Variants in PHACTR3 observed in about 807,000 individuals in gnomAD.
The protein encoded by PHACTR3 is protein phosphatase 1, regulatory subunit 123.
A neutral mutation model predicts 66.8 loss-of-function variants in PHACTR3; 16 were observed. That is an observed-to-expected ratio of 0.24 (90% CI 0.16 to 0.36). The LOEUF (loss-of-function observed/expected upper bound fraction) is 0.36. Among genes scored for constraint, PHACTR3 ranks in the 10% least tolerant of loss-of-function variants. The pLI is 1.00. For missense variants in PHACTR3, 647 were observed against 719.9 expected, an observed-to-expected ratio of 0.90 and a Z score of 1.16; for synonymous variants, 323 against 292.1, an observed-to-expected ratio of 1.11 and a Z score of -1.08.
chr20:59,692,310 A>C (rs2037138895), intron 1 of PHACTR3, among the ~76,000 whole-genome samples: 1 of 152,212 alleles, frequency 6.6e-6, no homozygotes, highest in Non-Finnish European at 1.5e-5. Flanking sequence ...GACAACCTTG[A>C]AGGTCACCCG....
intron 1 of PHACTR3, among the ~76,000 whole-genome samples, chr20:59,596,447 A>G (rs1358507851): frequency 1.3e-5 from 2 of 152,188 alleles, no homozygotes; most frequent in African/African-American, 2.4e-5. Context: ...TGGCCCTGGT[A>G]CTGAACCTTC....
At chr20:59,642,624 C>T (rs1423592311) in intron 1 of PHACTR3, among the ~76,000 whole-genome samples, 8 of 152,304 alleles carry the variant, frequency 5.3e-5, no homozygotes, top group African/African-American at 1.9e-4. Context: ...TCCCATTCTG[C>T]TTTCATTGGA....
At chr20:59,794,699 C>T (rs1949371530) in intron 7 of PHACTR3, among the ~76,000 whole-genome samples, 1 of 152,134 alleles carries the variant, frequency 6.6e-6, no homozygotes, top group African/African-American at 2.4e-5. Flanking sequence ...TTTTTTAGTA[C>T]TGACTCAATC....
chr20:59,746,547 C>T (rs533732837), intron 2 of PHACTR3, among the ~76,000 whole-genome samples: 193 of 152,396 alleles, frequency 1.3e-3, no homozygotes, highest in African/African-American at 4.3e-3. Flanking sequence ...TTCTGCCCTC[C>T]GTGACTCCCC....
chr20:59,676,914 C>T (rs1321341679), intron 1 of PHACTR3: 1 of 175,766 alleles, frequency 5.7e-6, no homozygotes, highest in Non-Finnish European at 1.1e-5. Context: ...AATCGGATGA[C>T]TGCATTTGGA....
chr20:59,732,033 T>C lies in PHACTR3; in HGVS notation c.119-11074T>C, dbSNP rs776421804. Reference sequence around the variant, plus strand: ...CAAGGTGTAAATAGCGGTTGTCTGATAGGTCTGTTTAGGAAAATCTAGCTA... The same window carrying C: ...CAAGGTGTAAATAGCGGTTGTCTGACAGGTCTGTTTAGGAAAATCTAGCTA... On this transcript the variant is annotated intron_variant, in intron 1 of 12. Transcript: ENST00000371015. 4.1e-4 allele frequency among the ~76,000 whole-genome samples: 63 copies of C among 152,204 alleles called. 5 individuals carry two copies. The highest frequency in any genetic ancestry group is 2.1e-4 in the South Asian group (1 of 4,824).
intron 1 of PHACTR3, among the ~76,000 whole-genome samples, chr20:59,714,005 A>G (rs1044277699): frequency 6.6e-6 from 1 of 152,140 alleles, no homozygotes; most frequent in Non-Finnish European, 1.5e-5. Context: ...CTTGAAAACG[A>G]ATGAGGTTGA....
chr20:59,668,305 C>T (rs1202481896), intron 1 of PHACTR3, among the ~76,000 whole-genome samples: 1 of 151,968 alleles, frequency 6.6e-6, no homozygotes, highest in Non-Finnish European at 1.5e-5. Flanking sequence ...TAGAGGTGGA[C>T]ATATACGCCT....
Position 59,640,025 on chromosome 20 carries a change from T to C in PHACTR3, c.118+34893T>C, listed in dbSNP as rs189268072. ...AATAGCAAAAAACAGGCACACTTCA[T>C]CCTGTGCATGCTGGGGTTGAGGCTG... On this transcript the variant is annotated intron_variant, in intron 1 of 12. Transcript: ENST00000371015. Among the ~76,000 whole-genome samples the C allele has an allele frequency of 5.9e-5, 9 of 152,304 alleles. No homozygotes were observed. In the East Asian group the frequency reaches 1.7e-3, roughly 29 times the overall value.
intron 1 of PHACTR3, among the ~76,000 whole-genome samples, chr20:59,588,725 C>T (rs1600869984): frequency 6.6e-6 from 1 of 152,194 alleles, no homozygotes; most frequent in Non-Finnish European, 1.5e-5. Flanking sequence ...CACCCCCGCT[C>T]CCTGGCCTCC....
chr20:59,761,764 A>G (rs1265687897), intron 4 of PHACTR3, among the ~76,000 whole-genome samples: 2 of 152,154 alleles, frequency 1.3e-5, no homozygotes, highest in Admixed American at 1.3e-4. Flanking sequence ...TAAGTCATGA[A>G]CTTGTGGCGC....
intron 1 of PHACTR3, among the ~76,000 whole-genome samples, chr20:59,610,091 A>G (rs1306955172): frequency 6.6e-6 from 1 of 152,156 alleles, no homozygotes; most frequent in Non-Finnish European, 1.5e-5. Context: ...CTGTCTCTAT[A>G]AAAAATACAA....
intron 8 of PHACTR3, among the ~76,000 whole-genome samples, chr20:59,834,239 T>A (rs909501191): frequency 1.3e-5 from 2 of 152,180 alleles, no homozygotes; most frequent in Non-Finnish European, 2.9e-5. Flanking sequence ...CCTGTGTGCC[T>A]TCCCCCTCCA....
chr20:59,744,627 G>A (rs1322520714), intron 2 of PHACTR3, among the ~76,000 whole-genome samples: 2 of 152,228 alleles, frequency 1.3e-5, no homozygotes, highest in Non-Finnish European at 1.5e-5. Context: ...GGCCAACACC[G>A]ACAGCAGGCC....
intron 8 of PHACTR3, among the ~76,000 whole-genome samples, chr20:59,825,375 T>A (rs2042157917): frequency 6.6e-6 from 1 of 152,236 alleles, no homozygotes; most frequent in Non-Finnish European, 1.5e-5. Flanking sequence ...TATCCACTCA[T>A]GCATTCAGAC....
chr20:59,602,388 C>T (rs2146327088), upstream of PHACTR3, among the ~76,000 whole-genome samples: 1 of 150,774 alleles, frequency 6.6e-6, no homozygotes, highest in East Asian at 1.9e-4. Context: ...CTATGATTGC[C>T]CCCGTGAATA....
At chr20:59,655,664 C>A (rs2035596549) in intron 1 of PHACTR3, among the ~76,000 whole-genome samples, 2 of 151,860 alleles carry the variant, frequency 1.3e-5, no homozygotes. Context: ...TCTGCCCTAG[C>A]CTTTAATTCC....
At chr20:59,647,387 C>T (rs2146440969) in intron 1 of PHACTR3, among the ~76,000 whole-genome samples, 1 of 152,264 alleles carries the variant, frequency 6.6e-6, no homozygotes, top group South Asian at 2.1e-4. Context: ...TGGGTGGGGA[C>T]ACAGCCAAAC....
intron 7 of PHACTR3, among the ~76,000 whole-genome samples, chr20:59,804,560 A>C (rs368061709): frequency 6.6e-6 from 1 of 152,202 alleles, no homozygotes; most frequent in Non-Finnish European, 1.5e-5. Context: ...CGTCGCATTC[A>C]GTCTCTCTCA....
Sources: allele counts gnomAD v4.1 joint callset (sites outside exome capture counted in the v4.1 genomes callset), GRCh38; gene constraint gnomAD v4.1.1; transcripts MANE v1.5; gene names NCBI Gene and HGNC (gene_info 2026-07-23, HGNC 2026-07-21).